RASGRP1: variants seen among roughly 807,000 people sequenced by gnomAD.
RASGRP1 encodes RAS guanyl-releasing protein 1.
RASGRP1 carries 37 observed loss-of-function variants against 95.1 expected under a neutral mutation model. The ratio of observed to expected loss-of-function variants is 0.39; its 90% CI spans 0.30 to 0.51. RASGRP1 has a LOEUF of 0.51. Among genes scored for constraint, RASGRP1 ranks in the 20% least tolerant of loss-of-function variants. The pLI, the probability that RASGRP1 is intolerant of heterozygous loss-of-function variation, is 0.80. For synonymous variants in RASGRP1, 325 were observed against 353.4 expected, an observed-to-expected ratio of 0.92 and a Z score of 0.90; for missense variants, 711 against 965.4, an observed-to-expected ratio of 0.74 and a Z score of 3.49.
chr15:38,555,328 T>C (rs1441621736), intron 2 of RASGRP1, among the ~76,000 whole-genome samples: 5 of 152,226 alleles, frequency 3.3e-5, no homozygotes, highest in South Asian at 2.1e-4. Flanking sequence ...CTTTGCTCAA[T>C]AGAGAATATC....
chr15:38,500,546 A>C (rs538572400), intron 13 of RASGRP1, among the ~76,000 whole-genome samples: 1 of 151,810 alleles, frequency 6.6e-6, no homozygotes, highest in Non-Finnish European at 1.5e-5. Flanking sequence ...GGTTTTCACC[A>C]TGTTAGGTGG....
chr15:38,518,522 G>T, intron 4 of RASGRP1, 99 bp from the exon 5 acceptor site: 1 of 1,298,996 alleles, frequency 7.7e-7, no homozygotes. Flanking sequence ...AGAGAACTCA[G>T]AAAAAGACAA....
intron 2 of RASGRP1, among the ~76,000 whole-genome samples, chr15:38,536,947 A>G (rs1595868179): frequency 1.3e-5 from 2 of 152,238 alleles, no homozygotes. Flanking sequence ...GTTTGATTAA[A>G]TACATAAAAA....
chr15:38,564,298 CGG>C (rs1375474328), intron 1 of RASGRP1, among the ~76,000 whole-genome samples: 1 of 152,136 alleles, frequency 6.6e-6, no homozygotes, highest in Non-Finnish European at 1.5e-5. Flanking sequence ...AGGAAGTCGG[CGG>C]GCGGGCGCCG....
intron 8 of RASGRP1, among the ~76,000 whole-genome samples, chr15:38,510,120 G>A (rs1485406023): frequency 6.6e-6 from 1 of 152,196 alleles, no homozygotes; most frequent in African/African-American, 2.4e-5. Flanking sequence ...GGGGACTTTT[G>A]CTTCAACCCT....
intron 5 of RASGRP1, 55 bp from the exon 6 acceptor site, chr15:38,516,405 T>C: frequency 6.5e-7 from 1 of 1,543,202 alleles, no homozygotes. Flanking sequence ...AAATCGCTTT[T>C]TGCAAGTAAA....
chr15:38,563,341 C>T (rs1441591172), intron 1 of RASGRP1, among the ~76,000 whole-genome samples: 2 of 152,056 alleles, frequency 1.3e-5, no homozygotes, highest in Non-Finnish European at 2.9e-5. Context: ...ACCAAAACCC[C>T]GAGAGAAACA....
At chr15:38,550,786 C>T (rs185691729) in intron 2 of RASGRP1, among the ~76,000 whole-genome samples, 10 of 152,280 alleles carry the variant, frequency 6.6e-5, no homozygotes, top group Admixed American at 5.2e-4. Context: ...AAGAAAGGCA[C>T]ACCCATGAAA....
intron 2 of RASGRP1, among the ~76,000 whole-genome samples, chr15:38,536,605 C>T (rs1325249975): frequency 6.6e-6 from 1 of 152,204 alleles, no homozygotes; most frequent in Admixed American, 6.5e-5. Context: ...CTTCCTCAGA[C>T]AATTTTTCTC....
chr15:38,550,255 A>AAAAAG (rs1293349495), intron 2 of RASGRP1, among the ~76,000 whole-genome samples: 4 of 151,308 alleles, frequency 2.6e-5, no homozygotes, highest in African/African-American at 9.7e-5. Context: ...AAAAAAAAAA[A>AAAAAG]AAAAGAAAAG....
intron 1 of RASGRP1, chr15:38,560,293 A>G (rs1392908057): frequency 2.2e-6 from 1 of 445,072 alleles, no homozygotes; most frequent in Non-Finnish European, 4.2e-6. Flanking sequence ...CAGAGGCAAG[A>G]CTATCTTGGC....
intron 2 of RASGRP1, among the ~76,000 whole-genome samples, chr15:38,528,770 G>A (rs1418086988): frequency 6.6e-6 from 1 of 152,068 alleles, no homozygotes; most frequent in Non-Finnish European, 1.5e-5. Context: ...TTAGTCTCTT[G>A]GCTAAAATAC....
rs1890526992 is a variant in RASGRP1, at chr15:38,490,419, T to C, written c.*135A>G. The C allele has an allele frequency of 1.1e-6, 1 of 889,922 alleles. No individual in the cohort carries two copies. The highest frequency in any genetic ancestry group is 3.5e-5 in the South Asian group (1 of 28,978). 55.1% of individuals were successfully genotyped at this position (889,922 alleles called of 1,614,324 possible). A position where few individuals can be genotyped will look rare whatever the true frequency, so the allele number is the denominator to read the frequency against. The stretch of plus-strand genomic sequence containing the variant: ...GCACATTAGGAATCTTTTAGGTAAA[T>C]AAACAGTAACAGGCTTTTCCTTTTA... On this transcript the variant is annotated 3_prime_UTR_variant, in exon 17 of 17. Coordinates refer to ENST00000310803, the MANE Select transcript of RASGRP1 (RefSeq NM_005739.4).
At chr15:38,495,106 C>T (rs1470781184) in intron 15 of RASGRP1, among the ~76,000 whole-genome samples, 1 of 152,184 alleles carries the variant, frequency 6.6e-6, no homozygotes, top group Non-Finnish European at 1.5e-5. Flanking sequence ...AATATCTAGA[C>T]AGAAATGCTC....
chr15:38,509,365 G>A (rs1272825198), intron 8 of RASGRP1, among the ~76,000 whole-genome samples: 2 of 152,198 alleles, frequency 1.3e-5, no homozygotes, highest in Non-Finnish European at 2.9e-5. Flanking sequence ...ATATGAAGGA[G>A]TCCCAGAAAG....
intron 8 of RASGRP1, among the ~76,000 whole-genome samples, chr15:38,509,265 C>T (rs530944331): frequency 6.6e-6 from 1 of 152,158 alleles, no homozygotes; most frequent in Admixed American, 6.5e-5. Context: ...ACTGTGAGGC[C>T]ATTATTAAAC....
At chr15:38,514,716 C>A (rs995677762) in intron 6 of RASGRP1, among the ~76,000 whole-genome samples, 2 of 152,204 alleles carry the variant, frequency 1.3e-5, no homozygotes, top group Non-Finnish European at 2.9e-5. Context: ...CACTGTTCAA[C>A]CCCTGGGGAC....
At chr15:38,491,874 C>T (rs928795726) in intron 16 of RASGRP1, among the ~76,000 whole-genome samples, 27 of 152,134 alleles carry the variant, frequency 1.8e-4, no homozygotes, top group African/African-American at 6.5e-4. Context: ...AATCTTTCTG[C>T]GAGCCACTTC....
intron 4 of RASGRP1, among the ~76,000 whole-genome samples, chr15:38,518,987 T>C (rs1049340216): frequency 6.6e-6 from 1 of 152,230 alleles, no homozygotes; most frequent in African/African-American, 2.4e-5. Flanking sequence ...ATTATAGTTA[T>C]ATTCTTTTCT....
Sources: gnomAD v4.1 joint callset for allele counts (sites outside exome capture counted in the v4.1 genomes callset) on GRCh38, gnomAD v4.1.1 for gene constraint, MANE v1.5 for transcripts, NCBI Gene and HGNC (gene_info 2026-07-23, HGNC 2026-07-21) for gene names.